The following UHRF2 variants were observed in gnomAD, a reference collection of about 807,000 sequenced individuals.
The protein encoded by UHRF2 is ubiquitin like with PHD and ring finger domains 2, also known as E3 ubiquitin-protein ligase UHRF2.
In UHRF2, 23 loss-of-function variants were observed where a neutral mutation model predicts 96.8. The ratio of observed to expected loss-of-function variants is 0.24; its 90% confidence interval spans 0.17 to 0.34. The LOEUF (loss-of-function observed/expected upper bound fraction) is 0.34, where lower values mean the gene tolerates loss of function less well. UHRF2 is among the 10% of genes least tolerant of loss of function. UHRF2 has a pLI of 1.00. For missense variants in UHRF2, 685 were observed against 981.5 expected (o/e 0.70, Z 4.04); for synonymous variants, 385 against 332.6 (o/e 1.16, Z -1.72).
chr9:6,503,793 G>A (rs781215624), intron 14 of UHRF2, among the ~76,000 whole-genome samples: 3 of 151,900 alleles, frequency 2.0e-5, no homozygotes, highest in Non-Finnish European at 2.9e-5. Context: ...CTTGAGACAC[G>A]TTGCCCATGA....
intron 1 of UHRF2, among the ~76,000 whole-genome samples, chr9:6,417,845 C>G (rs760174906): frequency 6.6e-6 from 1 of 152,138 alleles, no homozygotes; most frequent in Non-Finnish European, 1.5e-5. Flanking sequence ...TGTATTTACT[C>G]CTGACCGTCA....
intron 4 of UHRF2, among the ~76,000 whole-genome samples, chr9:6,472,676 T>G (rs1276903297): frequency 6.6e-6 from 1 of 152,224 alleles, no homozygotes; most frequent in African/African-American, 2.4e-5. Context: ...ATGTACTGGC[T>G]CTATGACCTG....
intron 4 of UHRF2, chr9:6,468,254 A>G (rs1376589227): frequency 2.8e-6 from 1 of 354,528 alleles, no homozygotes; most frequent in Non-Finnish European, 5.6e-6. Flanking sequence ...TAAGCCTTTA[A>G]CAAAAATGGT....
At chr9:6,502,385 G>C (rs1184833954) in intron 14 of UHRF2, among the ~76,000 whole-genome samples, 1 of 152,092 alleles carries the variant, frequency 6.6e-6, no homozygotes. Flanking sequence ...TATCCTTTAA[G>C]TCTGTATAAA....
In UHRF2 at chr9:6,413,648, GGCGCGCCCGCC is replaced by G. The variant is rs758533593; in HGVS notation, c.153+10_153+20del. ...CTCTTCTACCGGGGCAAGCAGGTGA[GGCGCGCCCGCC>G]GCGCCCCTAGCGAGGCTGGGGGCCG... On this transcript the variant is annotated splice_donor_region_variant and intron_variant, in intron 1 of 15. Transcript: ENST00000276893. The G allele has an allele frequency of 1.3e-6, 2 of 1,562,608 alleles. No homozygotes were observed. Among genetic ancestry groups the G allele is most frequent in the South Asian group, 2.3e-5 (2 of 86,138 alleles).
At chr9:6,495,157 A>G (rs1824889938) in intron 10 of UHRF2, 1 of 152,192 alleles carries the variant, frequency 6.6e-6, no homozygotes, top group African/African-American at 2.4e-5. Context: ...CTTGAAAGGA[A>G]CTTCCTTCAT....
rs776717062 is a variant in UHRF2 at position 6,493,808 on chromosome 9, GA to G, written c.1498-14del. 3.1e-6 allele frequency: 5 copies of G among 1,599,768 alleles called. No homozygotes were observed. In the South Asian group the frequency reaches 3.4e-5, roughly 11 times the overall value. The stretch of plus-strand genomic sequence containing the variant: ...ACTTGGGTTTAGCTTTCTTAATAAA[GA>G]AAATCTTCTCTGACAGGACCGAGGT... On this transcript the variant is annotated splice_polypyrimidine_tract_variant and intron_variant, in intron 9 of 15. Coordinates refer to ENST00000276893, the MANE Select transcript of UHRF2 (RefSeq NM_152896.3).
At chr9:6,471,372 A>AATT (rs1406798504) in intron 4 of UHRF2, among the ~76,000 whole-genome samples, 1 of 152,242 alleles carries the variant, frequency 6.6e-6, no homozygotes, top group Non-Finnish European at 1.5e-5. Context: ...CTTTTAAGGT[A>AATT]ACCCCCAGTG....
intron 1 of UHRF2, among the ~76,000 whole-genome samples, chr9:6,417,296 T>C (rs1427823379): frequency 1.3e-5 from 2 of 152,238 alleles, no homozygotes; most frequent in East Asian, 3.8e-4. Flanking sequence ...TAACCATTTT[T>C]GCTTCTTAAG....
At chr9:6,472,714 C>A (rs6477087) in intron 4 of UHRF2, among the ~76,000 whole-genome samples, 46,060 of 152,024 alleles carry the variant, frequency 0.3, 9,026 homozygotes, top group African/African-American at 0.56. Context: ...ATAACTAAAA[C>A]GTAGAAGGGA....
intron 8 of UHRF2, among the ~76,000 whole-genome samples, 187 bp from the exon 9 acceptor site, chr9:6,486,634 A>G (rs1045975564): frequency 3.3e-5 from 5 of 152,212 alleles, no homozygotes; most frequent in African/African-American, 1.2e-4. Context: ...AGCAAAAGAT[A>G]GAACTCTGTG....
In UHRF2 at chr9:6,499,950, A is replaced by G. The variant is rs1432057124; in HGVS notation, c.2005+19A>G. ...TCAGATGGTAGGTAATGATTGCAAA[A>G]TATAAATAATAATAACATACTTTTG... On this transcript the variant is annotated intron_variant, in intron 13 of 15. Transcript: ENST00000276893. 121 of 1,537,782 alleles carry G rather than the reference A, an allele frequency of 7.9e-5. No homozygotes were observed. Among genetic ancestry groups the G allele is most frequent in the Non-Finnish European group, 1.1e-4 (119 of 1,119,466 alleles).
intron 4 of UHRF2, chr9:6,468,493 A>G (rs1042753716): frequency 1.1e-5 from 5 of 455,964 alleles, no homozygotes; most frequent in African/African-American, 1.0e-4. Context: ...AGAATCTCAT[A>G]AGGCAGGTAG....
chr9:6,448,789 A>G lies in UHRF2; in HGVS notation c.645-11784A>G, dbSNP rs1423725075. On this transcript the variant is annotated intron_variant, in intron 3 of 15. Coordinates refer to ENST00000276893, the MANE Select transcript of UHRF2 (RefSeq NM_152896.3). The stretch of plus-strand genomic sequence containing the variant: ...AGAATGTGGTAGGTTGTGGCAGTAG[A>G]CAGACTACTTGTCTTCATTGTAAGC... Among the ~76,000 whole-genome samples, 3 of 152,234 alleles carry G rather than the reference A, an allele frequency of 2.0e-5. No individual in the cohort carries two copies. The East Asian group carries it at 5.8e-4, about 29-fold the overall frequency.
intron 4 of UHRF2, among the ~76,000 whole-genome samples, chr9:6,467,299 C>T (rs1271666612): frequency 1.3e-5 from 2 of 152,174 alleles, no homozygotes; most frequent in Non-Finnish European, 2.9e-5. Context: ...GTGGCTACAT[C>T]CCCTTCATAT....
intron 2 of UHRF2, among the ~76,000 whole-genome samples, chr9:6,429,078 T>C (rs1049507736): frequency 1.3e-5 from 2 of 151,986 alleles, no homozygotes; most frequent in African/African-American, 4.8e-5. Flanking sequence ...AGCAGGAGAA[T>C]TGCTTGTACC....
At chr9:6,489,754 A>G (rs1367355032) in intron 9 of UHRF2, among the ~76,000 whole-genome samples, 1 of 135,248 alleles carries the variant, frequency 7.4e-6, no homozygotes, top group Non-Finnish European at 1.5e-5. Flanking sequence ...TTTACCATTC[A>G]TCAGATATGT....
Position 6,413,965 on chromosome 9 carries a change from G to C in UHRF2, c.153+322G>C, listed in dbSNP as rs544528086. The C allele has an allele frequency of 3.0e-3, 631 of 206,886 alleles. 5 individuals are homozygous for C. Among genetic ancestry groups the C allele is most frequent in the African/African-American group, 0.014 (606 of 43,540 alleles). The allele number at this position is 206,886 out of a possible 1,614,324, so 12.8% of individuals were successfully genotyped here. ...CCCAGGTCCCTCGCTTCCCGCGCTC[G>C]GCGGGGCCTGGGGCCCCCAGAGGGC... On this transcript the variant is annotated intron_variant, in intron 1 of 15. Coordinates refer to ENST00000276893, the MANE Select transcript of UHRF2 (RefSeq NM_152896.3).
intron 4 of UHRF2, among the ~76,000 whole-genome samples, chr9:6,469,510 C>CT: frequency 6.6e-6 from 1 of 151,516 alleles, no homozygotes; most frequent in South Asian, 2.1e-4. Context: ...GAGCGAGACT[C>CT]TGTCTCAAAA....
Sources: allele counts gnomAD v4.1 joint callset (sites outside exome capture counted in the v4.1 genomes callset), GRCh38; gene constraint gnomAD v4.1.1; transcripts MANE v1.5; gene names NCBI Gene and HGNC (gene_info 2026-07-23, HGNC 2026-07-21).